Variants in PLA2G4C observed in about 807,000 individuals in gnomAD.
PLA2G4C encodes cytosolic phospholipase A2 gamma.
A neutral mutation model predicts 73.8 loss-of-function variants in PLA2G4C; 64 were observed. The ratio of observed to expected loss-of-function variants is 0.87; its 90% CI spans 0.71 to 1.07. PLA2G4C has a LOEUF of 1.07. PLA2G4C is among the 50% of genes least tolerant of loss of function. PLA2G4C has a pLI of 0.00. For synonymous variants in PLA2G4C, 254 were observed against 252.1 expected, an observed-to-expected ratio of 1.01 and a Z score of -0.07; for missense variants, 622 against 665.4, an observed-to-expected ratio of 0.93 and a Z score of 0.72.
chr19:48,108,370 A>C (rs1311984066), intron 1 of PLA2G4C, among the ~76,000 whole-genome samples: 1 of 152,172 alleles, frequency 6.6e-6, no homozygotes. Context: ...TCCCGGGCTC[A>C]TGCAATCCTC....
intron 16 of PLA2G4C, among the ~76,000 whole-genome samples, chr19:48,052,557 T>C (rs143642002): frequency 2.2e-4 from 34 of 152,228 alleles, no homozygotes; most frequent in African/African-American, 7.2e-4. Context: ...GTGAGTCAAT[T>C]AAACCTCTTT....
Position 48,061,988 on chromosome 19 carries a change from T to C in PLA2G4C, c.1257+10A>G. 2 of 1,613,444 alleles carry C rather than the reference T, an allele frequency of 1.2e-6. No individual in the cohort carries two copies. The highest frequency in any genetic ancestry group is 1.7e-6 in the Non-Finnish European group (2 of 1,179,768). On this transcript the variant is annotated intron_variant, in intron 14 of 16. Coordinates refer to ENST00000599921, the MANE Select transcript of PLA2G4C (RefSeq NM_003706.3). ...CACCCAGGACCGGCCCCAAAGCCCTTCTCGATTACCTCGAAAGGATCTCCG... is the reference window on the plus strand; with the variant it reads ...CACCCAGGACCGGCCCCAAAGCCCTCCTCGATTACCTCGAAAGGATCTCCG...
chr19:48,067,451 A>G (rs1035897585), intron 13 of PLA2G4C, among the ~76,000 whole-genome samples: 8 of 152,280 alleles, frequency 5.3e-5, no homozygotes, highest in Admixed American at 5.2e-4. Flanking sequence ...TACAGGCATG[A>G]GCCACTGCGC....
At position 48,051,002 on chromosome 19, in the gene PLA2G4C, A is replaced by G. The variant is rs546368617; in HGVS notation, c.1580+1995T>C. On this transcript the variant is annotated intron_variant, in intron 16 of 16. Transcript: ENST00000599921. ...TACATGACTTTCCATGGCAAAAGGG[A>G]CTCTGCAGATGAGATTAATCTAAGG... is the stretch of plus-strand genomic sequence containing the variant. Among the ~76,000 whole-genome samples the G allele has an allele frequency of 6.6e-5, 10 of 151,890 alleles. No homozygotes were observed. In the South Asian group the frequency reaches 1.7e-3, roughly 25 times the overall value.
chr19:48,067,814 G>A lies in PLA2G4C; in HGVS notation c.1079C>T (p.Thr360Ile), dbSNP rs141153587. 66 of 1,611,704 alleles carry A rather than the reference G, an allele frequency of 4.1e-5. No homozygotes were observed. In the African/African-American group the frequency reaches 7.5e-4, roughly 18 times the overall value. ...ICASKWEWGT[T>I]HNFLYKHGGI... is the part of the protein sequence containing the mutation. The stretch of plus-strand genomic sequence containing the variant: ...ACCGTGTTTGTACAGGAAGTTGTGA[G>A]TGGTCCCCCATTCCCACTTTGAAGC... The change falls in exon 13 of 17, where the codon ACT becomes ATT. Residue 360 changes from threonine to isoleucine, a missense_variant. Coordinates refer to ENST00000599921, the MANE Select transcript of PLA2G4C (RefSeq NM_003706.3).
chr19:48,110,799 T>C lies in PLA2G4C; in HGVS notation c.-345A>G. Reference sequence around the variant, plus strand: ...CCTCGGCTTGTAGGCCCTGCTTGGTTGCTCCAGCTTTTTCAGCTGTTCCAG... The same window carrying C: ...CCTCGGCTTGTAGGCCCTGCTTGGTCGCTCCAGCTTTTTCAGCTGTTCCAG... On this transcript the variant is annotated 5_prime_UTR_variant, in exon 1 of 17. Transcript: ENST00000599921. 1 of 364,444 alleles carries C rather than the reference T, an allele frequency of 2.7e-6. No individual in the cohort carries two copies. Among genetic ancestry groups the C allele is most frequent in the Non-Finnish European group, 4.9e-6 (1 of 204,782 alleles). 22.6% of individuals were successfully genotyped at this position (364,444 alleles called of 1,614,324 possible). A position where few individuals can be genotyped will look rare whatever the true frequency, so the allele number is the denominator to read the frequency against.
chr19:48,049,934 T>A (rs1252141646), intron 16 of PLA2G4C, among the ~76,000 whole-genome samples: 4 of 152,174 alleles, frequency 2.6e-5, no homozygotes, highest in Non-Finnish European at 1.5e-5. Flanking sequence ...GTGGTACTTT[T>A]TTCTTTGAGA....
At chr19:48,098,486 C>T (rs558283541) in intron 5 of PLA2G4C, among the ~76,000 whole-genome samples, 5 of 151,490 alleles carry the variant, frequency 3.3e-5, no homozygotes, top group African/African-American at 7.3e-5. Flanking sequence ...TCACCATGCC[C>T]GGCTAATTTA....
intron 5 of PLA2G4C, among the ~76,000 whole-genome samples, chr19:48,098,517 T>C (rs251679): frequency 0.4 from 60,350 of 150,124 alleles, 12,696 homozygotes; most frequent in African/African-American, 0.51. Flanking sequence ...GAGACAGGCT[T>C]TTGCTATGTT....
At chr19:48,084,040 T>TGTGTGTGTG (rs2030819530) in intron 10 of PLA2G4C, among the ~76,000 whole-genome samples, 1 of 139,130 alleles carries the variant, frequency 7.2e-6, no homozygotes, top group Admixed American at 7.4e-5. Flanking sequence ...AATGCCAATT[T>TGTGTGTGTG]TGTGTGTGTG....
intron 4 of PLA2G4C, among the ~76,000 whole-genome samples, chr19:48,102,001 C>T (rs1177173547): frequency 6.6e-6 from 1 of 152,018 alleles, no homozygotes; most frequent in Non-Finnish European, 1.5e-5. Flanking sequence ...GAGACTTCTG[C>T]ATCCAACTTG....
chr19:48,101,129 T>A (rs866548284), intron 4 of PLA2G4C, among the ~76,000 whole-genome samples: 10,232 of 91,396 alleles, frequency 0.11, 322 homozygotes, highest in Non-Finnish European at 0.14. Context: ...TATATATATT[T>A]TTTTTTTTTT....
In PLA2G4C at chr19:48,048,190, C is replaced by T. The variant is rs1207524805; in HGVS notation, c.*153G>A. On this transcript the variant is annotated 3_prime_UTR_variant, in exon 17 of 17. Transcript: ENST00000599921. ...TGACGCTATCAAAATCACAGTCTAGCTGGTCACTGGTGATTGGCCCTGTTA... is the reference window on the plus strand; with the variant it reads ...TGACGCTATCAAAATCACAGTCTAGTTGGTCACTGGTGATTGGCCCTGTTA... The T allele has an allele frequency of 1.7e-6, 1 of 601,696 alleles. No individual in the cohort carries two copies. Among genetic ancestry groups the T allele is most frequent in the Non-Finnish European group, 2.9e-6 (1 of 344,778 alleles). The allele number at this position is 601,696 out of a possible 1,614,324, so 37.3% of individuals were successfully genotyped here.
chr19:48,050,692 T>TTTTTTTTTTTTTTTTA (rs1967693959), intron 16 of PLA2G4C, among the ~76,000 whole-genome samples: 1 of 146,326 alleles, frequency 6.8e-6, no homozygotes, highest in South Asian at 2.3e-4. Context: ...TTTTTTTTTT[T>TTTTTTTTTTTTTTTTA]GAGACAGGGT....
chr19:48,074,894 T>C lies in PLA2G4C; in HGVS notation c.899-20A>G, dbSNP rs113165193. The C allele has an allele frequency of 1.2e-5, 18 of 1,530,148 alleles. No homozygotes were observed. In the African/African-American group the frequency reaches 1.6e-4, roughly 14 times the overall value. 94.8% of individuals were successfully genotyped at this position (1,530,148 alleles called of 1,614,324 possible). A position where few individuals can be genotyped will look rare whatever the true frequency, so the allele number is the denominator to read the frequency against. On this transcript the variant is annotated intron_variant, in intron 11 of 16. Transcript: ENST00000599921. The stretch of plus-strand genomic sequence containing the variant: ...CTTCATCTACGTCAAGAAATCCAGG[T>C]GGTCTCAGACACTGTCCAAGTACCC...
At chr19:48,091,371 A>G (rs967520652) in intron 7 of PLA2G4C, among the ~76,000 whole-genome samples, 9 of 152,076 alleles carry the variant, frequency 5.9e-5, no homozygotes, top group African/African-American at 2.2e-4. Context: ...TTTTTTAAGT[A>G]GAGACGGGGT....
rs1223704471 is a variant in PLA2G4C at position 48,088,710 on chromosome 19, G to T, written c.766C>A (p.Gln256Lys). ...TEVIREYIFD[Q>K]LRNLTLKGLW... ...CCTTTCAGGGTCAGATTCCTTAACT[G>T]GTCTGCAAAAGAGTAGAAGCAGGAG... The change falls in exon 9 of 17, where the codon CAG (glutamine) becomes AAG (lysine). Residue 256 changes from glutamine to lysine, a missense_variant and splice_region_variant. Coordinates refer to ENST00000599921, the MANE Select transcript of PLA2G4C (RefSeq NM_003706.3). 1.2e-6 allele frequency: 2 copies of T among 1,604,734 alleles called. No individual in the cohort carries two copies. Among genetic ancestry groups the T allele is most frequent in the Admixed American group, 1.7e-5 (1 of 60,020 alleles).
At chr19:48,091,017 A>C (rs112546574) in intron 7 of PLA2G4C, among the ~76,000 whole-genome samples, 2 of 148,464 alleles carry the variant, frequency 1.3e-5, no homozygotes, top group African/African-American at 5.2e-5. Context: ...AAAAAAAAAA[A>C]AAAAAGTTGC....
intron 14 of PLA2G4C, among the ~76,000 whole-genome samples, chr19:48,059,430 C>G (rs1311778929): frequency 6.6e-6 from 1 of 152,084 alleles, no homozygotes; most frequent in Non-Finnish European, 1.5e-5. Flanking sequence ...GCCTGGAAAG[C>G]TGGTATTGTT....
Sources: allele counts gnomAD v4.1 joint callset (sites outside exome capture counted in the v4.1 genomes callset), GRCh38; gene constraint gnomAD v4.1.1; transcripts MANE v1.5; gene names NCBI Gene and HGNC (gene_info 2026-07-23, HGNC 2026-07-21).